The following DCLK2 variants were observed in gnomAD, a reference collection of about 807,000 sequenced individuals.
DCLK2 encodes the protein serine/threonine-protein kinase DCLK2.
DCLK2 carries 31 observed loss-of-function variants against 78.4 expected under a neutral mutation model. The ratio of observed to expected loss-of-function variants is 0.40; its 90% confidence interval spans 0.30 to 0.53. The LOEUF is 0.53. DCLK2 is among the 20% of genes least tolerant of loss of function. The pLI, the probability that DCLK2 is intolerant of heterozygous loss-of-function variation, is 0.61. For synonymous variants in DCLK2, 407 were observed against 374.9 expected, an observed-to-expected ratio of 1.09 and a Z score of -0.99; for missense variants, 872 against 973.7, an observed-to-expected ratio of 0.90 and a Z score of 1.39.
intron 2 of DCLK2, among the ~76,000 whole-genome samples, chr4:150,112,171 G>C (rs80055649): frequency 6.6e-6 from 1 of 151,952 alleles, no homozygotes; most frequent in Non-Finnish European, 1.5e-5. Context: ...TCTAGAGATC[G>C]CTCATCTCCT....
chr4:150,237,897 T>G (rs902361530), intron 10 of DCLK2, among the ~76,000 whole-genome samples: 2 of 152,222 alleles, frequency 1.3e-5, no homozygotes, highest in African/African-American at 2.4e-5. Context: ...GTTTATTCTC[T>G]GAAATTCCAT....
At position 150,106,820 on chromosome 4, in the gene DCLK2, T is replaced by C. The variant is rs558565348; in HGVS notation, c.756+4008T>C. On this transcript the variant is annotated intron_variant, in intron 2 of 15. Coordinates refer to ENST00000296550, the MANE Select transcript of DCLK2 (RefSeq NM_001040260.4). The stretch of plus-strand genomic sequence containing the variant: ...TCTTCCTTCAAAATGGGTGAACACA[T>C]CTTGCCACTAGCAATGACTCCATTT... Among the ~76,000 whole-genome samples, 14 of 152,366 alleles carry C rather than the reference T, an allele frequency of 9.2e-5. No homozygotes were observed. In the South Asian group the frequency reaches 1.2e-3, roughly 14 times the overall value.
intron 1 of DCLK2, 70 bp downstream of exon 1, chr4:150,079,518 C>T (rs1580457410): frequency 2.9e-6 from 4 of 1,393,656 alleles, no homozygotes; most frequent in African/African-American, 1.5e-5. Flanking sequence ...TGAGCCGGCG[C>T]AGCGGGGAGC....
intron 10 of DCLK2, among the ~76,000 whole-genome samples, chr4:150,235,962 G>A (rs1416624458): frequency 2.0e-5 from 3 of 152,202 alleles, no homozygotes; most frequent in Non-Finnish European, 4.4e-5. Flanking sequence ...GTGGTACCGT[G>A]TCAGAGTTAA....
In DCLK2 at chr4:150,134,818, TTTGTTG is replaced by T. The variant is rs538340063; in HGVS notation, c.756+32021_756+32026del. On this transcript the variant is annotated intron_variant, in intron 2 of 15. Coordinates refer to ENST00000296550, the MANE Select transcript of DCLK2 (RefSeq NM_001040260.4). ...TCTTGCCATAGTTCCCCAAATCATGTTTGTTGTTGTTGTTGTTGTTTGTTTGTTTTT... is the reference window on the plus strand; with the variant it reads ...TCTTGCCATAGTTCCCCAAATCATGTTTGTTGTTGTTGTTTGTTTGTTTTT... Among the ~76,000 whole-genome samples, 18 of 152,250 alleles carry T rather than the reference TTTGTTG, an allele frequency of 1.2e-4. 1 individual carries two copies. Among genetic ancestry groups the T allele is most frequent in the Middle Eastern group, 3.4e-3 (1 of 294 alleles).
intron 2 of DCLK2, among the ~76,000 whole-genome samples, chr4:150,152,635 C>T (rs867520597): frequency 8.5e-5 from 13 of 152,108 alleles, no homozygotes; most frequent in Non-Finnish European, 1.0e-4. Flanking sequence ...GTAACTGATT[C>T]AAAACAATAA....
intron 2 of DCLK2, among the ~76,000 whole-genome samples, chr4:150,131,359 A>G (rs1368821083): frequency 2.0e-5 from 3 of 152,178 alleles, no homozygotes; most frequent in East Asian, 1.9e-4. Context: ...ACATGTCACA[A>G]ATTGCTTGTG....
intron 2 of DCLK2, among the ~76,000 whole-genome samples, chr4:150,186,894 A>G (rs1341404462): frequency 6.8e-6 from 1 of 147,498 alleles, no homozygotes; most frequent in African/African-American, 2.5e-5. Context: ...CTATCTCAAA[A>G]TGTGTGTGTG....
At chr4:150,123,941 G>T (rs1732746867) in intron 2 of DCLK2, among the ~76,000 whole-genome samples, 1 of 151,976 alleles carries the variant, frequency 6.6e-6, no homozygotes, top group Non-Finnish European at 1.5e-5. Flanking sequence ...TCGGGTGGCT[G>T]AGGTGGGAGG....
chr4:150,108,512 T>G (rs7658529), intron 2 of DCLK2, among the ~76,000 whole-genome samples: 1 of 151,642 alleles, frequency 6.6e-6, no homozygotes, highest in East Asian at 1.9e-4. Context: ...CCACTGCACT[T>G]CAGCCTGGGC....
chr4:150,230,346 G>T (rs1481087282), intron 8 of DCLK2, among the ~76,000 whole-genome samples: 1 of 152,112 alleles, frequency 6.6e-6, no homozygotes, highest in African/African-American at 2.4e-5. Flanking sequence ...TTCAATTTGA[G>T]AGAGATTCTT....
At chr4:150,179,127 A>C (rs1737305321) in intron 2 of DCLK2, among the ~76,000 whole-genome samples, 1 of 152,064 alleles carries the variant, frequency 6.6e-6, no homozygotes, top group African/African-American at 2.4e-5. Context: ...TCCCAGGTTC[A>C]CGCCATTCTC....
intron 2 of DCLK2, among the ~76,000 whole-genome samples, chr4:150,125,900 C>A (rs554094659): frequency 1.3e-5 from 2 of 151,570 alleles, no homozygotes; most frequent in East Asian, 3.9e-4. Flanking sequence ...CAAAAAAAAA[C>A]CACAAAAAAC....
chr4:150,178,520 T>C (rs985929196), intron 2 of DCLK2, among the ~76,000 whole-genome samples: 3 of 94,930 alleles, frequency 3.2e-5, no homozygotes, highest in African/African-American at 1.2e-4. Context: ...CTAAGAAGGC[T>C]GCTCTAGGGA....
chr4:150,194,244 A>G (rs1738695939), intron 3 of DCLK2, among the ~76,000 whole-genome samples: 2 of 152,118 alleles, frequency 1.3e-5, no homozygotes, highest in Non-Finnish European at 2.9e-5. Context: ...TGGTACAGTT[A>G]CGTGCTATAC....
At chr4:150,103,746 A>G (rs1379940461) in intron 2 of DCLK2, among the ~76,000 whole-genome samples, 2 of 152,196 alleles carry the variant, frequency 1.3e-5, no homozygotes, top group Admixed American at 1.3e-4. Flanking sequence ...CCAATTTTCT[A>G]AGACCAGATC....
At chr4:150,210,948 C>CAAA (rs1406606300) in intron 5 of DCLK2, among the ~76,000 whole-genome samples, 26 of 80,354 alleles carry the variant, frequency 3.2e-4, no homozygotes, top group Admixed American at 4.0e-4. Context: ...GACTCTGTCT[C>CAAA]AAAAAAAAAA....
At chr4:150,159,757 C>A (rs999503431) in intron 2 of DCLK2, among the ~76,000 whole-genome samples, 1 of 152,046 alleles carries the variant, frequency 6.6e-6, no homozygotes, top group African/African-American at 2.4e-5. Flanking sequence ...GAAAAATAAT[C>A]CTAGTGGCAA....
Position 150,079,145 on chromosome 4 carries a change from A to C in DCLK2, c.118A>C (p.Lys40Gln). 6.3e-7 allele frequency: 1 copy of C among 1,597,844 alleles called. No individual in the cohort carries two copies. The highest frequency in any genetic ancestry group is 8.5e-7 in the Non-Finnish European group (1 of 1,172,270). Reference sequence around the variant, plus strand: ...CGGGGGCAGCAGCAGCTCGGGCCCCAAGGGGAACGGGCTCATCCCCAGTCC... The same window carrying C: ...CGGGGGCAGCAGCAGCTCGGGCCCCCAGGGGAACGGGCTCATCCCCAGTCC... ...SSGGSSSSGP[K>Q]GNGLIPSPAH... The change falls in exon 1 of 16, where the codon AAG becomes CAG. Residue 40 changes from lysine to glutamine, a missense_variant. Physicochemically the swap from Lys to Gln is moderately conservative, Grantham distance 53. Around this residue, in one of 3 missense-constraint regions of DCLK2, gnomAD observed 567 missense variants for 593.4 expected, o/e 0.96. Coordinates refer to ENST00000296550, the MANE Select transcript of DCLK2 (RefSeq NM_001040260.4).
Sources: gnomAD v4.1 joint callset for allele counts (sites outside exome capture counted in the v4.1 genomes callset) on GRCh38, gnomAD v4.1.1 for gene constraint, gnomAD v4.1.1 regional missense constraint, MANE v1.5 for transcripts, NCBI Gene and HGNC (gene_info 2026-07-23, HGNC 2026-07-21) for gene names.